The following PABPC1 variants were observed in gnomAD, a reference collection of about 807,000 sequenced individuals.
The protein encoded by PABPC1 is polyadenylate-binding protein 1.
A neutral mutation model predicts 74.0 loss-of-function variants in PABPC1; 4 were observed. That is an observed-to-expected ratio of 0.05 (90% CI 0.03 to 0.12). PABPC1 has a LOEUF of 0.12. PABPC1 is among the 10% of genes least tolerant of loss of function. The pLI is 1.00. For synonymous variants in PABPC1, 227 were observed against 264.1 expected, an observed-to-expected ratio of 0.86 and a Z score of 1.36; for missense variants, 271 against 821.1, an observed-to-expected ratio of 0.33 and a Z score of 8.19.
At chr8:100,715,056 G>C (rs1365482695) in intron 4 of PABPC1, among the ~76,000 whole-genome samples, 2 of 150,026 alleles carry the variant, frequency 1.3e-5, no homozygotes, top group Non-Finnish European at 2.9e-5. Context: ...ATTGTTCTAT[G>C]AGACTGCATT....
At position 100,706,749 on chromosome 8, in the gene PABPC1, TAGCTGCAGCGGCTGC is replaced by T; in HGVS notation, c.1489_1503del (p.Ala497_Ala501del). On this transcript the variant is annotated inframe_deletion, in exon 11 of 15. Transcript: ENST00000318607. ...TGTGGAACGGTGCGGACAGCAGGAG[TAGCTGCAGCGGCTGC>T]AGCTGCAGGACGTGGACCCATTGTC... 1.2e-6 allele frequency: 2 copies of T among 1,613,848 alleles called. No homozygotes were observed. Among genetic ancestry groups the T allele is most frequent in the Non-Finnish European group, 1.7e-6 (2 of 1,179,714 alleles).
intron 1 of PABPC1, among the ~76,000 whole-genome samples, chr8:100,720,923 G>C (rs1810806582): frequency 1.3e-5 from 2 of 152,312 alleles, no homozygotes; most frequent in South Asian, 4.1e-4. Context: ...GGCCTGCGAG[G>C]TTACAGGGTT....
In PABPC1 at chr8:100,706,726, T is replaced by C; in HGVS notation, c.1527A>G (p.Pro509=). 1.2e-6 allele frequency: 2 copies of C among 1,614,208 alleles called. No individual in the cohort carries two copies. Among genetic ancestry groups the C allele is most frequent in the South Asian group, 1.1e-5 (1 of 91,082 alleles). ...AAATPAVRTV[P]QYKYAAGVRN... Reference sequence around the variant, plus strand: ...GAACTCCTGCAGCATATTTATACTGTGGAACGGTGCGGACAGCAGGAGTAG... The same window carrying C: ...GAACTCCTGCAGCATATTTATACTGCGGAACGGTGCGGACAGCAGGAGTAG... Residue 509 remains proline, a synonymous_variant, in exon 11 of 15, where the codon CCA becomes CCG. Transcript: ENST00000318607.
chr8:100,715,398 C>T (rs1810643634), intron 4 of PABPC1, 64 bp downstream of exon 4: 1 of 1,383,380 alleles, frequency 7.2e-7, no homozygotes, highest in Non-Finnish European at 9.8e-7. Flanking sequence ...AAAGTAATAG[C>T]TAAAATTAAC....
rs966688443 is a variant in PABPC1 at position 100,721,192 on chromosome 8, G to C, written c.193+199C>G. Among the ~76,000 whole-genome samples, 117 of 152,106 alleles carry C rather than the reference G, an allele frequency of 7.7e-4. No individual in the cohort carries two copies. Among genetic ancestry groups the C allele is most frequent in the African/African-American group, 2.5e-3 (105 of 41,560 alleles). On this transcript the variant is annotated intron_variant, in intron 1 of 14. Coordinates refer to ENST00000318607, the MANE Select transcript of PABPC1 (RefSeq NM_002568.4). The surrounding 1 kb of genome is among the most constrained non-coding windows in gnomAD (Gnocchi z 7.4). ...GTCGCAAAGGAGGAAGTAGCCGGGCGTGTGGCTGCCGGCAGCGCGGGTCCC... is the reference window on the plus strand; with the variant it reads ...GTCGCAAAGGAGGAAGTAGCCGGGCCTGTGGCTGCCGGCAGCGCGGGTCCC...
intron 3 of PABPC1, among the ~76,000 whole-genome samples, chr8:100,717,199 G>A (rs1031382985): frequency 3.9e-5 from 6 of 151,972 alleles, no homozygotes; most frequent in South Asian, 2.1e-4. Context: ...TAGTAGAGAC[G>A]GTTTCTCCAT....
chr8:100,712,244 T>C, intron 7 of PABPC1, 118 bp downstream of exon 7: 3 of 611,666 alleles, frequency 4.9e-6, no homozygotes, highest in Non-Finnish European at 5.8e-6. Flanking sequence ...ATTTAAGTTT[T>C]AGAAGTAACG....
chr8:100,716,969 C>CT (rs894344868), intron 3 of PABPC1, among the ~76,000 whole-genome samples: 180 of 152,154 alleles, frequency 1.2e-3, no homozygotes, highest in Non-Finnish European at 1.8e-3. Flanking sequence ...GTTGGGCTTG[C>CT]TTTTTTTTCC....
At position 100,712,809 on chromosome 8, in the gene PABPC1, A is replaced by AG. The variant is rs1563613299; in HGVS notation, c.739-21_739-20insC. On this transcript the variant is annotated intron_variant, in intron 5 of 14. Coordinates refer to ENST00000318607, the MANE Select transcript of PABPC1 (RefSeq NM_002568.4). Reference sequence around the variant, plus strand: ...CACAGCCTTCCCCCCAAAAAAAAAGAAAAAAAAAAAATCACAAAACTTTCA... The same window carrying AG: ...CACAGCCTTCCCCCCAAAAAAAAAGAGAAAAAAAAAAATCACAAAACTTTCA... 2.0e-6 allele frequency: 2 copies of AG among 976,468 alleles called. No individual in the cohort carries two copies. The highest frequency in any genetic ancestry group is 1.3e-6 in the Non-Finnish European group (1 of 741,308). 60.5% of individuals were successfully genotyped at this position (976,468 alleles called of 1,614,324 possible).
intron 14 of PABPC1, among the ~76,000 whole-genome samples, chr8:100,703,778 AGTGGCTCACGCCTG>A (rs1374304639): frequency 4.6e-5 from 7 of 152,158 alleles, no homozygotes; most frequent in Non-Finnish European, 7.3e-5. Context: ...GGCAGGGCGC[AGTGGCTCACGCCTG>A]TAATTTCAAG....
chr8:100,707,201 T>TC (rs1810402559), intron 9 of PABPC1: 6 of 460,910 alleles, frequency 1.3e-5, no homozygotes, highest in African/African-American at 2.0e-5. Context: ...CGAGTACTTA[T>TC]ATGTAGCGAC....
intron 4 of PABPC1, among the ~76,000 whole-genome samples, chr8:100,713,944 A>G (rs1810597083): frequency 6.6e-6 from 1 of 152,266 alleles, no homozygotes; most frequent in African/African-American, 2.4e-5. Flanking sequence ...TTCTTTTTAA[A>G]GACACAGGTG....
Position 100,721,368 on chromosome 8 carries a change from C to G in PABPC1, c.193+23G>C. 1.4e-6 allele frequency: 2 copies of G among 1,427,658 alleles called. No individual in the cohort carries two copies. The highest frequency in any genetic ancestry group is 1.9e-6 in the Non-Finnish European group (2 of 1,077,844). 88.4% of individuals were successfully genotyped at this position (1,427,658 alleles called of 1,614,324 possible). ...CCTCATGGCCGCCCGCCCGCCCGGC[C>G]GACCGCGGAGCCCGGCGCTCACCGT... On this transcript the variant is annotated intron_variant, in intron 1 of 14. Transcript: ENST00000318607. This position sits in a 1 kb window ranked among gnomAD's most constrained non-coding sequence, Gnocchi z 7.4.
At position 100,717,999 on chromosome 8, in the gene PABPC1, T is replaced by C; in HGVS notation, c.387+88A>G. ...AACCTGGATATTTGTGAAATAAAGATATCCATTACTGCACAGTTCCTATTT... is the reference window on the plus strand; with the variant it reads ...AACCTGGATATTTGTGAAATAAAGACATCCATTACTGCACAGTTCCTATTT... On this transcript the variant is annotated intron_variant, in intron 2 of 14. Coordinates refer to ENST00000318607, the MANE Select transcript of PABPC1 (RefSeq NM_002568.4). The C allele has an allele frequency of 3.8e-6, 5 of 1,328,676 alleles. No homozygotes were observed. In the South Asian group the frequency reaches 6.0e-5, roughly 16 times the overall value. 82.3% of individuals were successfully genotyped at this position (1,328,676 alleles called of 1,614,324 possible). A position where few individuals can be genotyped will look rare whatever the true frequency, so the allele number is the denominator to read the frequency against.
chr8:100,705,203 G>T, intron 12 of PABPC1, 147 bp from the exon 13 acceptor site: 1 of 675,282 alleles, frequency 1.5e-6, no homozygotes. Flanking sequence ...ATGTCTTCAT[G>T]GGAAGACAGA....
chr8:100,707,032 GA>G (rs1810398314), intron 9 of PABPC1, 35 bp from the exon 10 acceptor site: 1 of 1,425,206 alleles, frequency 7.0e-7, no homozygotes, highest in African/African-American at 1.4e-5. Flanking sequence ...CATTAACTGG[GA>G]AAACTTACTG....
chr8:100,705,751 G>A, intron 11 of PABPC1, 78 bp from the exon 12 acceptor site: 1 of 907,754 alleles, frequency 1.1e-6, no homozygotes, highest in Non-Finnish European at 1.8e-6. Context: ...ATGGACATCT[G>A]CTGAAGTGGT....
intron 12 of PABPC1, 124 bp downstream of exon 12, chr8:100,705,463 CAT>C (rs1270124642): frequency 5.5e-6 from 4 of 731,500 alleles, no homozygotes; most frequent in Middle Eastern, 2.8e-4. Context: ...ACTGTACTAT[CAT>C]AATCATTCAT....
rs142481185 is a variant in PABPC1 at position 100,707,558 on chromosome 8, G to C, written c.1337-561C>G. Among the ~76,000 whole-genome samples the C allele has an allele frequency of 2.1e-3, 327 of 152,344 alleles. 2 individuals carry two copies. Among genetic ancestry groups the C allele is most frequent in the African/African-American group, 6.9e-3 (288 of 41,576 alleles). On this transcript the variant is annotated intron_variant, in intron 9 of 14. Coordinates refer to ENST00000318607, the MANE Select transcript of PABPC1 (RefSeq NM_002568.4). The stretch of plus-strand genomic sequence containing the variant: ...CTTACGCCATTGTTTCTGCATATTA[G>C]AGACTTTTAGTACTTTCACTAATTT...
Sources: allele counts gnomAD v4.1 joint callset (sites outside exome capture counted in the v4.1 genomes callset), GRCh38; gene constraint gnomAD v4.1.1; non-coding constraint Gnocchi (gnomAD v3.1); transcripts MANE v1.5; gene names NCBI Gene and HGNC (gene_info 2026-07-23, HGNC 2026-07-21).